Variants in CYP4X1 observed in about 807,000 individuals in gnomAD.
The protein encoded by CYP4X1 is cytochrome P450 4X1.
In CYP4X1, 44 loss-of-function variants were observed where a neutral mutation model predicts 57.9. That is an observed-to-expected ratio of 0.76 (90% confidence interval 0.60 to 0.98). The LOEUF (loss-of-function observed/expected upper bound fraction) is 0.98. Ranked by LOEUF, CYP4X1 falls within the 50% of genes least tolerant of loss-of-function variation. The pLI, the probability that CYP4X1 is intolerant of heterozygous loss-of-function variation, is 0.00. For missense variants in CYP4X1, 532 were observed against 623.9 expected, an observed-to-expected ratio of 0.85 and a Z score of 1.57; for synonymous variants, 227 against 228.6, an observed-to-expected ratio of 0.99 and a Z score of 0.06.
the CYP4X1 span, chr1:46,961,663 C>T: frequency 7.7e-7 from 1 of 1,291,004 alleles, no homozygotes; most frequent in Admixed American, 2.3e-5. Flanking sequence ...GGTGCCTCCT[C>T]TGGGAACCCC....
intron 6 of CYP4X1, among the ~76,000 whole-genome samples, chr1:47,038,094 T>C (rs562944682): frequency 6.6e-6 from 1 of 152,276 alleles, no homozygotes; most frequent in East Asian, 1.9e-4. Context: ...TCAACATTAA[T>C]AGACCTTATT....
upstream of CYP4X1, chr1:47,023,519 A>T: frequency 8.7e-7 from 1 of 1,150,090 alleles, no homozygotes. Flanking sequence ...ATAAATTCAG[A>T]TCCCGTGACT....
the CYP4X1 span, among the ~76,000 whole-genome samples, chr1:47,007,688 A>T: frequency 6.6e-6 from 1 of 152,230 alleles, no homozygotes; most frequent in Non-Finnish European, 1.5e-5. Context: ...AAAAAAAATT[A>T]GACGAATGGC....
chr1:47,024,166 A>T lies in CYP4X1; in HGVS notation c.177+172A>T, dbSNP rs529533653. Among the ~76,000 whole-genome samples, 9 of 152,188 alleles carry T rather than the reference A, an allele frequency of 5.9e-5. No homozygotes were observed. The East Asian group carries it at 1.6e-3, about 26-fold the overall frequency. ...TTAGCATCATTTTTCCTTGCTCTGG[A>T]GAATTGCTTTCCCGCAGCCCCACAG... On this transcript the variant is annotated intron_variant, in intron 1 of 11. Transcript: ENST00000371901.
the CYP4X1 span, among the ~76,000 whole-genome samples, chr1:46,984,216 T>G: frequency 6.6e-6 from 1 of 151,912 alleles, no homozygotes; most frequent in African/African-American, 2.4e-5. Context: ...TCACTCACTG[T>G]TTCCCCAGTG....
In CYP4X1 at chr1:47,030,055, T is replaced by C. The variant is rs1302971197; in HGVS notation, c.243T>C (p.Pro81=). ...TTGAAAAATACCCTCGTGCCTTCCCTTTCTGGATTGGGCCCTTTCAGGCAT... is the reference window on the plus strand; with the variant it reads ...TTGAAAAATACCCTCGTGCCTTCCCCTTCTGGATTGGGCCCTTTCAGGCAT... The part of the protein sequence containing the change: ...EIIEKYPRAF[P]FWIGPFQAFF... Residue 81 remains proline (P), a synonymous_variant, in exon 2 of 12, where the codon CCT becomes CCC. Coordinates refer to ENST00000371901, the MANE Select transcript of CYP4X1 (RefSeq NM_178033.2). The C allele has an allele frequency of 6.2e-7, 1 of 1,614,112 alleles. No homozygotes were observed. The highest frequency in any genetic ancestry group is 1.7e-5 in the Admixed American group (1 of 60,020).
rs750080184 is a variant in CYP4X1 at position 47,036,020 on chromosome 1, C to G, written c.624C>G (p.Thr208=). 6.2e-7 allele frequency: 1 copy of G among 1,611,736 alleles called. No individual in the cohort carries two copies. The highest frequency in any genetic ancestry group is 1.3e-5 in the African/African-American group (1 of 74,846). The part of the protein sequence containing the change: ...SKETNCQTNS[T]HDPYAKAIFE... Reference sequence around the variant, plus strand: ...TTATCCCAACTTTCTCTTCTAGCACCCATGATCCTTATGCAAAAGCCATAT... The same window carrying G: ...TTATCCCAACTTTCTCTTCTAGCACGCATGATCCTTATGCAAAAGCCATAT... Residue 208 remains threonine, a synonymous_variant, in exon 6 of 12, where the codon ACC becomes ACG. Transcript: ENST00000371901.
rs1427205001 is a variant in CYP4X1 at position 47,031,439 on chromosome 1, C to A, written c.323C>A (p.Pro108His). ...YAKTLLSRTD[P>H]KSQYLQKFSP... ...TTTCCTCTGCTTGACTCTGCAGATC[C>A]CAAGTCCCAGTACCTGCAGAAATTC... is the stretch of plus-strand genomic sequence containing the variant. The change falls in exon 3 of 12, where the codon CCC becomes CAC. Residue 108 changes from proline to histidine, a missense_variant. Physicochemically the swap from Pro to His is moderately conservative, Grantham distance 77. Transcript: ENST00000371901. The A allele has an allele frequency of 1.2e-6, 2 of 1,614,028 alleles. No homozygotes were observed. Among genetic ancestry groups the A allele is most frequent in the African/African-American group, 2.7e-5 (2 of 75,022 alleles).
Position 47,023,737 on chromosome 1 carries a change from C to G in CYP4X1, c.-81C>G, listed in dbSNP as rs574305764. ...CCAGAGAGGCGGTGGGGTGGGCGAC[C>G]CTACGCCAGCTCCGGGCGGGAGAAA... On this transcript the variant is annotated 5_prime_UTR_variant, in exon 1 of 12. Transcript: ENST00000371901. 176 of 1,527,966 alleles carry G rather than the reference C, an allele frequency of 1.2e-4. 1 individual carries two copies. The highest frequency in any genetic ancestry group is 1.1e-4 in the Non-Finnish European group (128 of 1,139,592). 94.7% of individuals were successfully genotyped at this position (1,527,966 alleles called of 1,614,324 possible).
the CYP4X1 span, among the ~76,000 whole-genome samples, chr1:46,979,705 G>A: frequency 3.3e-5 from 5 of 152,188 alleles, no homozygotes; most frequent in African/African-American, 1.2e-4. Context: ...CATCCCTGAT[G>A]AACATCGATG....
upstream of CYP4X1, among the ~76,000 whole-genome samples, chr1:47,021,502 G>C (rs1643996201): frequency 2.0e-5 from 3 of 152,188 alleles, no homozygotes; most frequent in Admixed American, 2.0e-4. Context: ...CTGGGATTGG[G>C]GTTTAGATAG....
chr1:46,988,508 G>C, the CYP4X1 span, among the ~76,000 whole-genome samples: 2 of 152,258 alleles, frequency 1.3e-5, no homozygotes, highest in Middle Eastern at 3.4e-3. Flanking sequence ...AATAGAAAAA[G>C]AGAGACTCCT....
At chr1:47,022,188 A>C, upstream of CYP4X1, among the ~76,000 whole-genome samples, 1 of 151,938 alleles carries the variant, frequency 6.6e-6, no homozygotes, top group African/African-American at 2.4e-5. Context: ...TCTGGGAAAG[A>C]AGGAGCTGAA....
At chr1:47,029,867 T>A (rs557075524) in intron 1 of CYP4X1, 123 bp from the exon 2 acceptor site, 1 of 1,049,884 alleles carries the variant, frequency 9.5e-7, no homozygotes, top group Non-Finnish European at 1.4e-6. Context: ...GTTATGTCAC[T>A]TCCAGAAAAG....
At chr1:47,018,401 A>G in the CYP4X1 span, among the ~76,000 whole-genome samples, 196 of 152,260 alleles carry the variant, frequency 1.3e-3, no homozygotes, top group Admixed American at 4.5e-3. Context: ...TTGTTACAGA[A>G]GCCTATGTTA....
At chr1:47,004,313 A>G in the CYP4X1 span, among the ~76,000 whole-genome samples, 2 of 152,156 alleles carry the variant, frequency 1.3e-5, no homozygotes, top group Non-Finnish European at 2.9e-5. Context: ...TTTGTTCAAG[A>G]CACCAAGAAC....
chr1:46,973,786 G>A, the CYP4X1 span, among the ~76,000 whole-genome samples: 2 of 151,914 alleles, frequency 1.3e-5, no homozygotes, highest in African/African-American at 4.8e-5. Flanking sequence ...TGTCATTTCT[G>A]ATTGTGTTTA....
chr1:47,010,313 C>T, the CYP4X1 span, among the ~76,000 whole-genome samples: 2 of 152,186 alleles, frequency 1.3e-5, no homozygotes, highest in Non-Finnish European at 2.9e-5. Flanking sequence ...ACAAAAACCA[C>T]ATAATTATCT....
chr1:47,030,034 A>C lies in CYP4X1; in HGVS notation c.222A>C (p.Glu74Asp). 1 of 1,614,084 alleles carries C rather than the reference A, an allele frequency of 6.2e-7. No individual in the cohort carries two copies. ...TGGAGAAGCTTGAGGAAATTATTGA[A>C]AAATACCCTCGTGCCTTCCCTTTCT... ...DNMEKLEEII[E>D]KYPRAFPFWI... Residue 74 changes from glutamate (E) to aspartate (D), a missense_variant, in exon 2 of 12, where the codon GAA (glutamate) becomes GAC (aspartate). Physicochemically the swap from Glu to Asp is conservative, Grantham distance 45. Transcript: ENST00000371901.
Sources: gnomAD v4.1 joint callset for allele counts (sites outside exome capture counted in the v4.1 genomes callset) on GRCh38, gnomAD v4.1.1 for gene constraint, MANE v1.5 for transcripts, NCBI Gene and HGNC (gene_info 2026-07-23, HGNC 2026-07-21) for gene names.